The following APAF1 variants were observed in gnomAD, a reference collection of about 807,000 sequenced individuals.
APAF1 encodes apoptotic protease-activating factor 1.
A neutral mutation model predicts 152.4 loss-of-function variants in APAF1; 91 were observed. The observed-to-expected ratio is 0.60, with a 90% CI of 0.50 to 0.71. APAF1 has a LOEUF of 0.71. Ranked by LOEUF, APAF1 falls within the 30% of genes least tolerant of loss-of-function variation. The pLI is 0.00. For missense variants in APAF1, 1,283 were observed against 1,472.0 expected, an observed-to-expected ratio of 0.87 and a Z score of 2.10; for synonymous variants, 484 against 494.1, an observed-to-expected ratio of 0.98 and a Z score of 0.27.
chr12:98,686,607 A>G, intron 15 of APAF1, 141 bp from the exon 16 acceptor site: 1 of 797,986 alleles, frequency 1.3e-6, no homozygotes, highest in Non-Finnish European at 1.9e-6. Flanking sequence ...TTTGTGTTTG[A>G]TACGTTTGTG....
At chr12:98,716,984 GCCTC>G (rs1200287714) in intron 22 of APAF1, among the ~76,000 whole-genome samples, 1 of 151,896 alleles carries the variant, frequency 6.6e-6, no homozygotes, top group Non-Finnish European at 1.5e-5. Context: ...TCCTGGCTCA[GCCTC>G]CTGAGTAGCT....
chr12:98,724,247 C>G lies in APAF1; in HGVS notation c.3330+483C>G, dbSNP rs1772355101. ...TCAGGGCTGTATCCTGTCTTTTGTG[C>G]TCTGTTGATGACTCTTTAGTGCATC... On this transcript the variant is annotated intron_variant, in intron 24 of 26. Coordinates refer to ENST00000551964, the MANE Select transcript of APAF1 (RefSeq NM_181861.2). Among the ~76,000 whole-genome samples, 3 of 152,092 alleles carry G rather than the reference C, an allele frequency of 2.0e-5. No individual in the cohort carries two copies. The South Asian group carries it at 6.2e-4, about 32-fold the overall frequency.
At chr12:98,661,756 AT>A (rs11334064) in intron 5 of APAF1, among the ~76,000 whole-genome samples, 1,578 of 146,618 alleles carry the variant, frequency 0.011, 19 homozygotes, top group African/African-American at 0.035. Context: ...GGCCTAGAGT[AT>A]TTTTTTTTTT....
chr12:98,708,951 TTGCA>T (rs2097724809), intron 20 of APAF1, among the ~76,000 whole-genome samples: 2 of 152,214 alleles, frequency 1.3e-5, no homozygotes, highest in East Asian at 3.9e-4. Context: ...ATTCTTTGAT[TTGCA>T]TGGAGTCTAA....
chr12:98,645,939 T>C (rs960790860), intron 1 of APAF1, 104 bp downstream of exon 1: 1 of 152,220 alleles, frequency 6.6e-6, no homozygotes, highest in Admixed American at 6.5e-5. Flanking sequence ...TTGATAACCA[T>C]CCTGCTCCTG....
chr12:98,703,238 C>T (rs1274017062), intron 17 of APAF1, 133 bp from the exon 18 acceptor site: 1 of 928,664 alleles, frequency 1.1e-6, no homozygotes, highest in Non-Finnish European at 1.7e-6. Flanking sequence ...TTGTTTATGA[C>T]TGTCAATAAT....
chr12:98,691,139 G>A (rs1483524012), intron 16 of APAF1, among the ~76,000 whole-genome samples: 3 of 152,106 alleles, frequency 2.0e-5, no homozygotes, highest in Non-Finnish European at 4.4e-5. Context: ...CCCGGGAGGC[G>A]GAAGTTGCAG....
chr12:98,701,143 T>TA (rs2097715035), intron 17 of APAF1, among the ~76,000 whole-genome samples: 1 of 152,210 alleles, frequency 6.6e-6, no homozygotes, highest in Non-Finnish European at 1.5e-5. Flanking sequence ...GTCAAGTATA[T>TA]ATTTATGTAT....
At chr12:98,659,515 G>A (rs2097662074) in intron 5 of APAF1, among the ~76,000 whole-genome samples, 172 bp downstream of exon 5, 1 of 152,082 alleles carries the variant, frequency 6.6e-6, no homozygotes, top group African/African-American at 2.4e-5. Context: ...ACTTTGGGAG[G>A]CCGAGGCTGT....
chr12:98,708,561 A>G (rs201583471), intron 19 of APAF1, 24 bp from the exon 20 acceptor site: 309 of 1,609,800 alleles, frequency 1.9e-4, no homozygotes, highest in Middle Eastern at 5.5e-4. Flanking sequence ...AGATGGAATG[A>G]TAATTTCTTT....
chr12:98,660,944 T>C (rs1593031800), intron 5 of APAF1, among the ~76,000 whole-genome samples: 3 of 152,130 alleles, frequency 2.0e-5, no homozygotes, highest in African/African-American at 7.2e-5. Flanking sequence ...TTCTGATGCA[T>C]ATTCGTTATA....
intron 8 of APAF1, 90 bp from the exon 9 acceptor site, chr12:98,666,100 A>G (rs2097672337): frequency 8.1e-7 from 1 of 1,232,324 alleles, no homozygotes; most frequent in African/African-American, 1.5e-5. Flanking sequence ...GGGCTTTAAG[A>G]TACCGTTTTT....
intron 4 of APAF1, among the ~76,000 whole-genome samples, chr12:98,656,979 A>G (rs2097658579): frequency 6.6e-6 from 1 of 152,154 alleles, no homozygotes; most frequent in Non-Finnish European, 1.5e-5. Flanking sequence ...TTTGTCTGTT[A>G]GCACTCTTAG....
At chr12:98,665,278 ATTTT>A (rs376318016) in intron 7 of APAF1, among the ~76,000 whole-genome samples, 12 of 66,010 alleles carry the variant, frequency 1.8e-4, no homozygotes, top group African/African-American at 4.0e-4. Context: ...ATATATATAT[ATTTT>A]TTTTTTTTTT....
In APAF1 at chr12:98,695,159, TCTC is replaced by T. The variant is rs2097708411; in HGVS notation, c.2305-4246_2305-4244del. 2.6e-5 allele frequency among the ~76,000 whole-genome samples: 4 copies of T among 151,754 alleles called. No individual in the cohort carries two copies. The South Asian group carries it at 8.3e-4, about 32-fold the overall frequency. ...CCTCTGCCTTTTGGGTTCAAGCAGT[TCTC>T]CTGCCTCAGCCTCCCAAGTAGCTGG... On this transcript the variant is annotated intron_variant, in intron 16 of 26. Transcript: ENST00000551964.
rs865933949 is a variant in APAF1 at position 98,659,175 on chromosome 12, G to A, written c.542G>A (p.Gly181Glu). ...HSLLEGCFPG[G>E]VHWVSVGKQD... The stretch of plus-strand genomic sequence containing the variant: ...CCCTCACTAGGTTGTTTCCCAGGGG[G>A]AGTGCATTGGGTTTCAGTTGGGAAA... Residue 181 changes from glycine (G) to glutamate (E), a missense_variant, in exon 5 of 27, where the codon GGA (glycine) becomes GAA (glutamate). Gly to Glu is a moderately conservative substitution (Grantham distance 98). Transcript: ENST00000551964. The A allele has an allele frequency of 6.2e-7, 1 of 1,614,172 alleles. No individual in the cohort carries two copies. The highest frequency in any genetic ancestry group is 1.3e-5 in the African/African-American group (1 of 75,036).
intron 10 of APAF1, among the ~76,000 whole-genome samples, chr12:98,669,028 G>A (rs73142304): frequency 4.6e-5 from 7 of 152,140 alleles, no homozygotes; most frequent in Non-Finnish European, 1.0e-4. Context: ...GTTATTTCTT[G>A]GTTATGATAC....
intron 4 of APAF1, among the ~76,000 whole-genome samples, chr12:98,652,150 G>A (rs1012078949): frequency 2.0e-5 from 3 of 152,016 alleles, no homozygotes; most frequent in African/African-American, 7.2e-5. Flanking sequence ...ACAGGTTTTT[G>A]CTATCTTGTC....
rs2097768067 is a variant in APAF1, at chr12:98,735,337, A to G, written c.*2771A>G. On this transcript the variant is annotated 3_prime_UTR_variant, in exon 27 of 27. Coordinates refer to ENST00000551964, the MANE Select transcript of APAF1 (RefSeq NM_181861.2). ...GTTTTGAAACTCTTGTATTTATGAT[A>G]TAGCTTATATGATTTTTTTGCCTTG... is the stretch of plus-strand genomic sequence containing the variant. The G allele has an allele frequency of 1.2e-5, 5 of 415,136 alleles. No homozygotes were observed. The East Asian group carries it at 1.7e-4, about 14-fold the overall frequency. The allele number at this position is 415,136 out of a possible 1,614,324, so 25.7% of individuals were successfully genotyped here.
Sources: allele counts gnomAD v4.1 joint callset (sites outside exome capture counted in the v4.1 genomes callset), GRCh38; gene constraint gnomAD v4.1.1; transcripts MANE v1.5; gene names NCBI Gene and HGNC (gene_info 2026-07-23, HGNC 2026-07-21).